The following RBFOX1 variants were observed in gnomAD, a reference collection of about 807,000 sequenced individuals.
RBFOX1 encodes the protein RNA binding protein fox-1 homolog 1.
Under a neutral mutation model 57.7 loss-of-function variants are expected in RBFOX1, and 8 were observed. The ratio of observed to expected loss-of-function variants is 0.14; its 90% CI spans 0.08 to 0.25. RBFOX1 has a LOEUF of 0.25. Ranked by LOEUF, RBFOX1 falls within the 10% of genes least tolerant of loss-of-function variation. The pLI is 1.00. For missense variants in RBFOX1, 611 were observed against 548.5 expected, an observed-to-expected ratio of 1.11 and a Z score of -1.14; for synonymous variants, 326 against 222.4, an observed-to-expected ratio of 1.47 and a Z score of -4.15.
chr16:7,188,900 G>T lies in RBFOX1; in HGVS notation c.27+136802G>T, dbSNP rs77941819. Among the ~76,000 whole-genome samples, 716 of 152,226 alleles carry T rather than the reference G, an allele frequency of 4.7e-3. 7 individuals carry two copies. Among genetic ancestry groups the T allele is most frequent in the African/African-American group, 0.016 (644 of 41,526 alleles). On this transcript the variant is annotated intron_variant, in intron 4 of 15. Transcript: ENST00000550418. ...GTTTAAGGAACAGAGGATACAGACA[G>T]CTAAGGATTGGGGAAAGTTCTTTGA...
intron 3 of RBFOX1, among the ~76,000 whole-genome samples, chr16:5,665,687 C>G (rs951736940): frequency 6.6e-5 from 10 of 152,196 alleles, no homozygotes; most frequent in African/African-American, 1.9e-4. Context: ...TGGATTCCCT[C>G]TAACTGTTTC....
intron 3 of RBFOX1, among the ~76,000 whole-genome samples, chr16:5,701,822 G>A (rs1032841461): frequency 2.0e-5 from 3 of 152,152 alleles, no homozygotes; most frequent in Non-Finnish European, 4.4e-5. Context: ...CGTTCATCAG[G>A]CCAGTTCAGC....
chr16:6,568,954 G>T (rs1288651812), intron 2 of RBFOX1, among the ~76,000 whole-genome samples: 1 of 152,004 alleles, frequency 6.6e-6, no homozygotes, highest in Non-Finnish European at 1.5e-5. Context: ...TCCATTTTTA[G>T]TACAGATGGG....
At chr16:5,522,690 C>CA (rs1290334450) in intron 2 of RBFOX1, among the ~76,000 whole-genome samples, 2 of 152,202 alleles carry the variant, frequency 1.3e-5, no homozygotes, top group Non-Finnish European at 2.9e-5. Flanking sequence ...CACTCCCCCT[C>CA]ACCCAGACAC....
chr16:6,396,065 CAAAAA>C (rs1165644198), intron 2 of RBFOX1, among the ~76,000 whole-genome samples: 1 of 61,472 alleles, frequency 1.6e-5, no homozygotes, highest in African/African-American at 6.0e-5. Flanking sequence ...GACTCCTTCT[CAAAAA>C]AAAAAAAAAA....
At chr16:5,364,645 T>C (rs1266021183) in intron 1 of RBFOX1, among the ~76,000 whole-genome samples, 2 of 152,204 alleles carry the variant, frequency 1.3e-5, no homozygotes, top group Non-Finnish European at 2.9e-5. Flanking sequence ...CATTCCTTTA[T>C]GCCAAGCACT....
chr16:7,022,018 T>TCCCCCTCTCCC (rs2039382380), intron 3 of RBFOX1, among the ~76,000 whole-genome samples: 1 of 4,196 alleles, frequency 2.4e-4, no homozygotes, highest in Non-Finnish European at 3.5e-4. Flanking sequence ...CCCCTTCCCT[T>TCCCCCTCTCCC]CCCCCTCCCC....
chr16:7,075,954 C>G (rs1413500612), intron 4 of RBFOX1, among the ~76,000 whole-genome samples: 1 of 152,004 alleles, frequency 6.6e-6, no homozygotes, highest in African/African-American at 2.4e-5. Flanking sequence ...AGGCATACTA[C>G]ACTTTGCCAC....
chr16:6,107,179 A>C (rs1465792051), intron 1 of RBFOX1, among the ~76,000 whole-genome samples: 1 of 151,896 alleles, frequency 6.6e-6, no homozygotes, highest in African/African-American at 2.4e-5. Flanking sequence ...GGGCCTTGCC[A>C]TTGGTTTCTT....
At chr16:7,150,214 C>A (rs935097973) in intron 4 of RBFOX1, among the ~76,000 whole-genome samples, 1 of 152,164 alleles carries the variant, frequency 6.6e-6, no homozygotes, top group African/African-American at 2.4e-5. Context: ...TTTTATTTAC[C>A]TATTGGCTGG....
chr16:7,609,641 T>C (rs1402841494), intron 10 of RBFOX1, among the ~76,000 whole-genome samples: 2 of 152,190 alleles, frequency 1.3e-5, no homozygotes, highest in Non-Finnish European at 2.9e-5. Flanking sequence ...AAGTTTAATG[T>C]ATTTAATGCT....
At chr16:5,780,438 G>T (rs2054288842) in intron 3 of RBFOX1, among the ~76,000 whole-genome samples, 1 of 152,130 alleles carries the variant, frequency 6.6e-6, no homozygotes. Context: ...TGGTTGGCAT[G>T]TACCATATAT....
At chr16:5,554,514 G>C (rs1206590531) in intron 2 of RBFOX1, among the ~76,000 whole-genome samples, 1 of 151,488 alleles carries the variant, frequency 6.6e-6, no homozygotes, top group African/African-American at 2.4e-5. Flanking sequence ...TTTTAATAAA[G>C]CTGACCATTT....
At chr16:7,545,717 C>G (rs906649410) in intron 5 of RBFOX1, among the ~76,000 whole-genome samples, 1 of 152,052 alleles carries the variant, frequency 6.6e-6, no homozygotes, top group Non-Finnish European at 1.5e-5. Flanking sequence ...ATATTCTTTC[C>G]GAATGTTCTT....
At chr16:6,927,050 A>G (rs1287151706) in intron 3 of RBFOX1, among the ~76,000 whole-genome samples, 1 of 151,724 alleles carries the variant, frequency 6.6e-6, no homozygotes, top group East Asian at 1.9e-4. Flanking sequence ...ACCTAAATCC[A>G]CCCACCATTT....
At chr16:7,150,861 C>G (rs2075975381) in intron 4 of RBFOX1, among the ~76,000 whole-genome samples, 1 of 152,194 alleles carries the variant, frequency 6.6e-6, no homozygotes. Context: ...GATGTGCCTG[C>G]TTACACCACA....
chr16:5,856,575 G>GTGCATATATATATATATATATA (rs1192496608), intron 3 of RBFOX1, among the ~76,000 whole-genome samples: 44 of 32,908 alleles, frequency 1.3e-3, no homozygotes, highest in Non-Finnish European at 1.9e-3. Context: ...GTGTGTGTGT[G>GTGCATATATATATATATATATA]TATATATATA....
At chr16:7,503,333 C>A (rs1047950292) in intron 4 of RBFOX1, among the ~76,000 whole-genome samples, 1 of 152,176 alleles carries the variant, frequency 6.6e-6, no homozygotes, top group African/African-American at 2.4e-5. Context: ...GACTTCCTCT[C>A]TTACAAAGAA....
At chr16:6,359,893 T>C (rs921451577) in intron 2 of RBFOX1, among the ~76,000 whole-genome samples, 1 of 152,202 alleles carries the variant, frequency 6.6e-6, no homozygotes, top group Non-Finnish European at 1.5e-5. Flanking sequence ...ATCCAGTGCC[T>C]AAAATGAACA....
Sources: allele counts gnomAD v4.1 joint callset (sites outside exome capture counted in the v4.1 genomes callset), GRCh38; gene constraint gnomAD v4.1.1; transcripts MANE v1.5; gene names NCBI Gene and HGNC (gene_info 2026-07-23, HGNC 2026-07-21).